The following HSF2 variants were observed in gnomAD, a reference collection of about 807,000 sequenced individuals.
HSF2 encodes heat shock factor protein 2.
In HSF2, 21 loss-of-function variants were observed where a neutral mutation model predicts 65.0. The ratio of observed to expected loss-of-function variants is 0.32; its 90% CI spans 0.23 to 0.47. The LOEUF (loss-of-function observed/expected upper bound fraction) is 0.47. Ranked by LOEUF, HSF2 falls within the 20% of genes least tolerant of loss-of-function variation. The pLI is 1.00. For synonymous variants in HSF2, 225 were observed against 219.1 expected (o/e 1.03, Z -0.24); for missense variants, 499 against 628.1 (o/e 0.79, Z 2.20).
chr6:122,404,633 G>A (rs1485570958), intron 1 of HSF2, among the ~76,000 whole-genome samples: 1 of 152,170 alleles, frequency 6.6e-6, no homozygotes, highest in Non-Finnish European at 1.5e-5. Context: ...TCTACTCTTT[G>A]GACTCTTGCC....
At chr6:122,423,924 T>G (rs1774290312) in intron 10 of HSF2, among the ~76,000 whole-genome samples, 1 of 152,124 alleles carries the variant, frequency 6.6e-6, no homozygotes, top group African/African-American at 2.4e-5. Context: ...ACATATCAGA[T>G]CTTTTCAGCA....
chr6:122,413,373 G>A, intron 3 of HSF2, 152 bp from the exon 4 acceptor site: 1 of 600,882 alleles, frequency 1.7e-6, no homozygotes. Flanking sequence ...GAGCTCTGAA[G>A]TTTATTCTTT....
chr6:122,427,547 C>CTAG (rs1774364105), intron 10 of HSF2, among the ~76,000 whole-genome samples: 1 of 151,654 alleles, frequency 6.6e-6, no homozygotes, highest in Non-Finnish European at 1.5e-5. Flanking sequence ...AGGTCTCAAC[C>CTAG]CTGCACACCA....
Position 122,408,848 on chromosome 6 carries a change from A to ATT in HSF2, c.94-3510_94-3509dup, listed in dbSNP as rs372791560. ...TGTTAGAATGAGAGTTTTTAACTTC[A>ATT]TTTTTTTTTTTTTTTTGACATCAAA... On this transcript the variant is annotated intron_variant, in intron 1 of 12. Coordinates refer to ENST00000368455, the MANE Select transcript of HSF2 (RefSeq NM_004506.4). 8.2e-3 allele frequency among the ~76,000 whole-genome samples: 1,152 copies of ATT among 141,028 alleles called. 14 individuals are homozygous for ATT. Among genetic ancestry groups the ATT allele is most frequent in the African/African-American group, 0.026 (983 of 38,282 alleles). 92.5% of individuals were successfully genotyped at this position (141,028 alleles called of 152,430 possible).
upstream of HSF2, chr6:122,399,566 G>GCGGCCGCC (rs1459265660): frequency 1.5e-5 from 9 of 581,900 alleles, no homozygotes; most frequent in Middle Eastern, 4.4e-4. Context: ...TCCGTCACGT[G>GCGGCCGCC]CGGCCGCCCG....
chr6:122,416,544 T>C (rs998477734), intron 5 of HSF2, among the ~76,000 whole-genome samples: 1 of 152,240 alleles, frequency 6.6e-6, no homozygotes, highest in South Asian at 2.1e-4. Flanking sequence ...TAGTAAATGA[T>C]CTTTTGCCTA....
At chr6:122,426,796 C>CTCAGTGAGTGCATT (rs1480252968) in intron 10 of HSF2, among the ~76,000 whole-genome samples, 1 of 152,032 alleles carries the variant, frequency 6.6e-6, no homozygotes, top group Non-Finnish European at 1.5e-5. Flanking sequence ...AAAAGGCTAA[C>CTCAGTGAGTGCATT]TCAGTGAGTG....
chr6:122,400,881 A>G (rs766024514), intron 1 of HSF2, among the ~76,000 whole-genome samples: 9 of 152,152 alleles, frequency 5.9e-5, no homozygotes, highest in Admixed American at 3.9e-4. Flanking sequence ...AACTACCTGC[A>G]TAGTGCCTGG....
intron 1 of HSF2, among the ~76,000 whole-genome samples, chr6:122,404,948 A>G (rs1325337848): frequency 6.6e-6 from 1 of 152,232 alleles, no homozygotes; most frequent in Non-Finnish European, 1.5e-5. Flanking sequence ...ATATAATCAA[A>G]TAGTTGAAAT....
chr6:122,427,981 G>A, intron 11 of HSF2, 25 bp downstream of exon 11: 1 of 1,512,248 alleles, frequency 6.6e-7, no homozygotes, highest in Non-Finnish European at 9.1e-7. Context: ...ATGTTGCTCA[G>A]GACCCATAGC....
chr6:122,423,058 C>CACATAG, intron 9 of HSF2, 101 bp downstream of exon 9: 3 of 1,244,050 alleles, frequency 2.4e-6, no homozygotes, highest in Non-Finnish European at 3.5e-6. Flanking sequence ...ATGATGAACC[C>CACATAG]ACATAGTCCA....
At chr6:122,412,834 A>C (rs1774031349) in intron 3 of HSF2, 70 bp downstream of exon 3, 3 of 1,419,182 alleles carry the variant, frequency 2.1e-6, no homozygotes, top group African/African-American at 1.4e-5. Flanking sequence ...TTTTTATTTC[A>C]GCTGTTGAAA....
chr6:122,414,011 A>T (rs1774062881), intron 4 of HSF2, among the ~76,000 whole-genome samples: 1 of 152,140 alleles, frequency 6.6e-6, no homozygotes, highest in Non-Finnish European at 1.5e-5. Flanking sequence ...ACGACATAAA[A>T]ACCCTGTATG....
chr6:122,416,691 G>A (rs1436432254), intron 5 of HSF2, among the ~76,000 whole-genome samples: 1 of 152,070 alleles, frequency 6.6e-6, no homozygotes, highest in East Asian at 1.9e-4. Flanking sequence ...GGTCTCAGAA[G>A]ATAAATGACA....
chr6:122,408,084 C>T (rs973991388), intron 1 of HSF2, among the ~76,000 whole-genome samples: 1 of 152,058 alleles, frequency 6.6e-6, no homozygotes, highest in Non-Finnish European at 1.5e-5. Flanking sequence ...CCCAAAGGCT[C>T]TAACTCCAAA....
intron 1 of HSF2, among the ~76,000 whole-genome samples, chr6:122,407,262 G>A (rs927911017): frequency 6.6e-6 from 1 of 152,164 alleles, no homozygotes; most frequent in African/African-American, 2.4e-5. Context: ...ATATAAGCAA[G>A]AGTTTCTCTA....
At chr6:122,405,706 T>TA (rs1030288513) in intron 1 of HSF2, among the ~76,000 whole-genome samples, 4 of 151,998 alleles carry the variant, frequency 2.6e-5, no homozygotes, top group Non-Finnish European at 4.4e-5. Context: ...AGCTGTTTTA[T>TA]AAAAAAAAGT....
At chr6:122,400,646 C>A (rs989172670) in intron 1 of HSF2, among the ~76,000 whole-genome samples, 6 of 152,190 alleles carry the variant, frequency 3.9e-5, no homozygotes, top group African/African-American at 1.4e-4. Flanking sequence ...TAAGTTAAAT[C>A]TTTCATAAGA....
At chr6:122,424,168 C>T (rs1054256369) in intron 10 of HSF2, among the ~76,000 whole-genome samples, 1 of 151,968 alleles carries the variant, frequency 6.6e-6, no homozygotes, top group Non-Finnish European at 1.5e-5. Context: ...TTCCCCTGCT[C>T]CAGTCCCCAC....
Sources: gnomAD v4.1 joint callset for allele counts (sites outside exome capture counted in the v4.1 genomes callset) on GRCh38, gnomAD v4.1.1 for gene constraint, MANE v1.5 for transcripts, NCBI Gene and HGNC (gene_info 2026-07-23, HGNC 2026-07-21) for gene names.